The following TIAM1 variants were observed in gnomAD, a reference collection of about 807,000 sequenced individuals.
The protein encoded by TIAM1 is TIAM Rac1 associated GEF 1.
A neutral mutation model predicts 163.5 loss-of-function variants in TIAM1; 65 were observed. The observed-to-expected ratio is 0.40, with a 90% confidence interval of 0.33 to 0.49. The LOEUF (loss-of-function observed/expected upper bound fraction) is 0.49, where lower values mean the gene tolerates loss of function less well. TIAM1 is among the 20% of genes least tolerant of loss of function. The probability of loss-of-function intolerance (pLI) is 0.77; values close to 1 mark genes in which losing one functional copy is unlikely to be tolerated. For synonymous variants in TIAM1, 833 were observed against 810.1 expected (o/e 1.03, Z -0.48); for missense variants, 1,789 against 2,044.7 (o/e 0.87, Z 2.41).
At chr21:31,234,707 G>C (rs2088646835) in intron 6 of TIAM1, among the ~76,000 whole-genome samples, 1 of 152,040 alleles carries the variant, frequency 6.6e-6, no homozygotes, top group Non-Finnish European at 1.5e-5. Flanking sequence ...CCTGAGCCTT[G>C]GGAGGCTGAG....
At chr21:31,245,958 T>C (rs1206264127) in intron 5 of TIAM1, among the ~76,000 whole-genome samples, 1 of 152,172 alleles carries the variant, frequency 6.6e-6, no homozygotes, top group Non-Finnish European at 1.5e-5. Context: ...CTCACAGACA[T>C]AGGGTCTTGT....
chr21:31,419,182 A>C (rs1007081699), intron 2 of TIAM1, among the ~76,000 whole-genome samples: 3 of 152,220 alleles, frequency 2.0e-5, no homozygotes, highest in Admixed American at 6.5e-5. Flanking sequence ...AGCACTCAGC[A>C]CAAGGATGGT....
intron 2 of TIAM1, among the ~76,000 whole-genome samples, chr21:31,324,428 T>C (rs886145192): frequency 3.3e-5 from 5 of 152,296 alleles, no homozygotes; most frequent in African/African-American, 1.2e-4. Context: ...ACAGTAATAG[T>C]AATTGACACT....
chr21:31,459,278 A>AT lies in TIAM1; in HGVS notation c.-369+4704dup, dbSNP rs374835994. ...AGGCACGTGCCACCATGCCCAGTTAATTTTTTTTATTTTTTCATAGAGATT... is the reference window on the plus strand; with the variant it reads ...AGGCACGTGCCACCATGCCCAGTTAATTTTTTTTTATTTTTTCATAGAGATT... On this transcript the variant is annotated intron_variant, in intron 2 of 28. Coordinates refer to the TIAM1 transcript ENST00000286827. Among the ~76,000 whole-genome samples, 23 of 151,958 alleles carry AT rather than the reference A, an allele frequency of 1.5e-4. 1 individual carries two copies. Among genetic ancestry groups the AT allele is most frequent in the African/African-American group, 5.1e-4 (21 of 41,436 alleles).
chr21:31,306,401 CTT>C (rs747798598), intron 2 of TIAM1, among the ~76,000 whole-genome samples: 61 of 152,230 alleles, frequency 4.0e-4, no homozygotes, highest in Middle Eastern at 3.4e-3. Flanking sequence ...AAAGAAGAGA[CTT>C]ATATAATTTC....
intron 2 of TIAM1, among the ~76,000 whole-genome samples, chr21:31,308,007 C>A (rs2074782592): frequency 6.6e-6 from 1 of 152,152 alleles, no homozygotes; most frequent in Admixed American, 6.5e-5. Context: ...CCAAGGCAGG[C>A]AGATCACTTG....
At chr21:31,391,302 G>GT (rs2076961101) in intron 2 of TIAM1, among the ~76,000 whole-genome samples, 1 of 152,060 alleles carries the variant, frequency 6.6e-6, no homozygotes, top group Non-Finnish European at 1.5e-5. Context: ...TCTGACAATT[G>GT]TAACTCTGAA....
Position 31,120,802 on chromosome 21 carries a change from G to GCCT in TIAM1, c.4339_4341dup (p.Arg1449dup). The stretch of plus-strand genomic sequence containing the variant: ...GTAAACCTGTTTCGAGCCAGCCGCC[G>GCCT]CCTCCTCCTCCCAAGAGACTTGCTT... On this transcript the variant is annotated inframe_insertion, in exon 28 of 28. Coordinates refer to ENST00000541036, the MANE Select transcript of TIAM1 (RefSeq NM_001353694.2). This position sits in a 1 kb window ranked among gnomAD's most constrained non-coding sequence, Gnocchi z 4.2. 2 of 1,613,232 alleles carry GCCT rather than the reference G, an allele frequency of 1.2e-6. No individual in the cohort carries two copies. Among genetic ancestry groups the GCCT allele is most frequent in the Non-Finnish European group, 8.5e-7 (1 of 1,179,732 alleles).
chr21:31,497,107 C>G (rs955185963), intron 1 of TIAM1, among the ~76,000 whole-genome samples: 2 of 152,172 alleles, frequency 1.3e-5, no homozygotes, highest in African/African-American at 4.8e-5. Context: ...AGGCCATTGA[C>G]CGGTATCGGT....
At chr21:31,378,603 C>T (rs1025405683) in intron 2 of TIAM1, among the ~76,000 whole-genome samples, 2 of 152,168 alleles carry the variant, frequency 1.3e-5, no homozygotes, top group African/African-American at 4.8e-5. Context: ...AGGCTTTTAA[C>T]CATTTTACTC....
intron 2 of TIAM1, among the ~76,000 whole-genome samples, chr21:31,379,221 C>T (rs762786415): frequency 6.6e-6 from 1 of 152,236 alleles, no homozygotes; most frequent in African/African-American, 2.4e-5. Flanking sequence ...ATCTGCCCAC[C>T]TCAGCCTCCC....
At chr21:31,537,429 C>G (rs1232014607) in intron 1 of TIAM1, among the ~76,000 whole-genome samples, 1 of 141,768 alleles carries the variant, frequency 7.1e-6, no homozygotes, top group East Asian at 2.2e-4. Context: ...TAAACCAATA[C>G]TGCAAGAAAT....
chr21:31,177,194 C>T (rs968943828), intron 15 of TIAM1, among the ~76,000 whole-genome samples: 1 of 152,142 alleles, frequency 6.6e-6, no homozygotes, highest in Non-Finnish European at 1.5e-5. Context: ...ATTTGGTCCT[C>T]ACAACAGCCC....
intron 6 of TIAM1, among the ~76,000 whole-genome samples, chr21:31,232,918 C>T (rs2088521144): frequency 1.3e-5 from 2 of 151,800 alleles, no homozygotes; most frequent in African/African-American, 2.4e-5. Flanking sequence ...ATACTGTATA[C>T]AGTTCGGTGA....
chr21:31,369,021 C>T (rs1602111051), intron 2 of TIAM1, among the ~76,000 whole-genome samples: 2 of 150,110 alleles, frequency 1.3e-5, no homozygotes, highest in Admixed American at 6.6e-5. Context: ...GGGCGGATCA[C>T]GAGGTCGGGA....
At position 31,435,199 on chromosome 21, in the gene TIAM1, C is replaced by A. The variant is rs116644331; in HGVS notation, c.-369+28784G>T. Among the ~76,000 whole-genome samples the A allele has an allele frequency of 5.9e-5, 9 of 152,284 alleles. No individual in the cohort carries two copies. The South Asian group carries it at 1.2e-3, about 21-fold the overall frequency. ...CCACATTGCACACCAGCAGTCTCAG[C>A]CTTCATGTCTTTAAAACTAACATCC... is the stretch of plus-strand genomic sequence containing the variant. On this transcript the variant is annotated intron_variant, in intron 2 of 28. Coordinates refer to the TIAM1 transcript ENST00000286827.
At chr21:31,286,552 TAA>T (rs568607458) in intron 2 of TIAM1, among the ~76,000 whole-genome samples, 1 of 147,784 alleles carries the variant, frequency 6.8e-6, no homozygotes, top group Non-Finnish European at 1.5e-5. Flanking sequence ...TAAAAGCAAT[TAA>T]AAAAAAAAAT....
intron 6 of TIAM1, among the ~76,000 whole-genome samples, chr21:31,229,520 T>C (rs2088274023): frequency 6.6e-6 from 1 of 152,148 alleles, no homozygotes; most frequent in African/African-American, 2.4e-5. Context: ...CATTTATTTC[T>C]TTGTCCTCCC....
rs184841945 is a variant in TIAM1 at position 31,202,487 on chromosome 21, G to A, written c.2493+421C>T. On this transcript the variant is annotated intron_variant, in intron 12 of 27. Coordinates refer to ENST00000541036, the MANE Select transcript of TIAM1 (RefSeq NM_001353694.2). ...AGGCTGGCACAGGAGGACCACTTAA[G>A]CCCAGTAGTTCAAGGTTGAGGTGAG... Among the ~76,000 whole-genome samples the A allele has an allele frequency of 5.9e-3, 902 of 152,242 alleles. 8 individuals are homozygous for A. Among genetic ancestry groups the A allele is most frequent in the African/African-American group, 0.019 (801 of 41,538 alleles).
Sources: allele counts gnomAD v4.1 joint callset (sites outside exome capture counted in the v4.1 genomes callset), GRCh38; gene constraint gnomAD v4.1.1; non-coding constraint Gnocchi (gnomAD v3.1); transcripts MANE v1.5; gene names NCBI Gene and HGNC (gene_info 2026-07-23, HGNC 2026-07-21).